The following MRPL3 variants were observed in gnomAD, a reference collection of about 807,000 sequenced individuals.
The protein encoded by MRPL3 is large ribosomal subunit protein uL3m.
A neutral mutation model predicts 44.3 loss-of-function variants in MRPL3; 43 were observed. The ratio of observed to expected loss-of-function variants is 0.97; its 90% CI spans 0.76 to 1.25. MRPL3 has a LOEUF of 1.25. Ranked by LOEUF, MRPL3 falls within the 50% of genes most tolerant of loss-of-function variation. The pLI, the probability that MRPL3 is intolerant of heterozygous loss-of-function variation, is 0.00. For synonymous variants in MRPL3, 171 were observed against 152.3 expected, an observed-to-expected ratio of 1.12 and a Z score of -0.91; for missense variants, 406 against 427.6, an observed-to-expected ratio of 0.95 and a Z score of 0.45.
At chr3:131,487,531 G>C in intron 6 of MRPL3, 149 bp downstream of exon 6, 1 of 661,872 alleles carries the variant, frequency 1.5e-6, no homozygotes, top group East Asian at 2.9e-5. Context: ...TTAAAAACCA[G>C]TGTAGGTAAC....
chr3:131,469,554 ACAC>A (rs3222068), intron 8 of MRPL3, 139 bp downstream of exon 8: 6 of 578,230 alleles, frequency 1.0e-5, no homozygotes, highest in East Asian at 3.0e-5. Flanking sequence ...ACACACACAC[ACAC>A]AATTCATGTA....
chr3:131,485,307 A>G (rs1159853209), intron 6 of MRPL3, among the ~76,000 whole-genome samples: 2 of 152,186 alleles, frequency 1.3e-5, no homozygotes, highest in Non-Finnish European at 2.9e-5. Context: ...AATCCAAGTT[A>G]GTCACAAGTC....
intron 9 of MRPL3, among the ~76,000 whole-genome samples, chr3:131,465,397 T>C (rs189746386): frequency 1.3e-3 from 202 of 152,336 alleles, no homozygotes; most frequent in Non-Finnish European, 2.5e-3. Flanking sequence ...TGTCATTGTA[T>C]GTACTACAGT....
chr3:131,501,475 G>T, intron 2 of MRPL3, 56 bp downstream of exon 2: 2 of 1,337,366 alleles, frequency 1.5e-6, no homozygotes, highest in East Asian at 2.3e-5. Flanking sequence ...GATTTTAAAT[G>T]TGTCCAGCCA....
chr3:131,486,258 G>C (rs897760060), intron 6 of MRPL3, among the ~76,000 whole-genome samples: 2 of 148,580 alleles, frequency 1.3e-5, no homozygotes, highest in African/African-American at 5.0e-5. Flanking sequence ...TACTATTCAG[G>C]ACATAGGCAT....
chr3:131,488,209 A>T (rs1481631945), intron 5 of MRPL3, among the ~76,000 whole-genome samples: 1 of 152,206 alleles, frequency 6.6e-6, no homozygotes, highest in East Asian at 1.9e-4. Context: ...TGACATCTAT[A>T]TAAAGCCTCT....
chr3:131,477,362 G>A (rs866415250), intron 6 of MRPL3, among the ~76,000 whole-genome samples: 5 of 151,848 alleles, frequency 3.3e-5, no homozygotes, highest in African/African-American at 7.3e-5. Flanking sequence ...ATCCCTCCTC[G>A]TCTTTCACTG....
chr3:131,476,659 T>C (rs879685143), intron 6 of MRPL3, among the ~76,000 whole-genome samples: 6 of 152,214 alleles, frequency 3.9e-5, no homozygotes, highest in Admixed American at 2.6e-4. Context: ...ATAAAAGATG[T>C]ATTTTATTTA....
chr3:131,481,793 T>C (rs927764631), intron 6 of MRPL3, among the ~76,000 whole-genome samples: 3 of 152,248 alleles, frequency 2.0e-5, no homozygotes, highest in Admixed American at 6.5e-5. Flanking sequence ...TCTTGAAAAT[T>C]GTTTCACTAA....
At chr3:131,499,349 C>A (rs1312457645) in intron 3 of MRPL3, among the ~76,000 whole-genome samples, 1 of 152,194 alleles carries the variant, frequency 6.6e-6, no homozygotes, top group Admixed American at 6.5e-5. Flanking sequence ...TGCTGCTGCT[C>A]AAGTTTTCTA....
chr3:131,487,474 G>A (rs1934155321), intron 6 of MRPL3: 2 of 493,716 alleles, frequency 4.1e-6, no homozygotes, highest in Non-Finnish European at 7.2e-6. Context: ...AAAAATAAAA[G>A]CTATAACCTG....
chr3:131,487,513 G>T, intron 6 of MRPL3, 167 bp downstream of exon 6: 1 of 600,148 alleles, frequency 1.7e-6, no homozygotes, highest in Non-Finnish European at 2.9e-6. Flanking sequence ...CAATTAATTT[G>T]GCACAATTTA....
intron 6 of MRPL3, among the ~76,000 whole-genome samples, chr3:131,485,891 C>A (rs1222168795): frequency 6.6e-6 from 1 of 152,138 alleles, no homozygotes; most frequent in East Asian, 1.9e-4. Context: ...TCTGTGATTA[C>A]AAACTTATCC....
chr3:131,485,087 C>T (rs1934087335), intron 6 of MRPL3, among the ~76,000 whole-genome samples: 1 of 152,146 alleles, frequency 6.6e-6, no homozygotes, highest in South Asian at 2.1e-4. Context: ...CTATTTAATC[C>T]TGAAGCTGGT....
At chr3:131,479,904 C>A (rs1933942470) in intron 6 of MRPL3, among the ~76,000 whole-genome samples, 2 of 152,106 alleles carry the variant, frequency 1.3e-5, no homozygotes, top group South Asian at 2.1e-4. Context: ...AATATAAAAG[C>A]AAAATGTCTA....
intron 2 of MRPL3, 98 bp from the exon 3 acceptor site, chr3:131,500,619 G>T: frequency 2.2e-6 from 2 of 903,020 alleles, no homozygotes; most frequent in Non-Finnish European, 3.6e-6. Flanking sequence ...CGTATGAGGA[G>T]CAGGCACGTA....
At chr3:131,487,968 C>T (rs902748309) in intron 5 of MRPL3, among the ~76,000 whole-genome samples, 7 of 152,158 alleles carry the variant, frequency 4.6e-5, no homozygotes, top group African/African-American at 1.7e-4. Context: ...ATTCCCATGA[C>T]AACACAGTGT....
chr3:131,489,228 A>G (rs1934194471), intron 5 of MRPL3, among the ~76,000 whole-genome samples: 1 of 152,114 alleles, frequency 6.6e-6, no homozygotes, highest in South Asian at 2.1e-4. Context: ...ACTAATTTTT[A>G]TATTTGTTTA....
chr3:131,502,153 T>A (rs1457694426), intron 1 of MRPL3, among the ~76,000 whole-genome samples: 1 of 152,064 alleles, frequency 6.6e-6, no homozygotes, highest in Non-Finnish European at 1.5e-5. Flanking sequence ...TGTGCAAAGT[T>A]AAAAGATCCA....
Sources: gnomAD v4.1 joint callset for allele counts (sites outside exome capture counted in the v4.1 genomes callset) on GRCh38, gnomAD v4.1.1 for gene constraint, MANE v1.5 for transcripts, NCBI Gene and HGNC (gene_info 2026-07-23, HGNC 2026-07-21) for gene names.